The following MALT1 variants were observed in gnomAD, a reference collection of about 807,000 sequenced individuals.
MALT1 encodes mucosa-associated lymphoid tissue lymphoma translocation protein 1.
In MALT1, 36 loss-of-function variants were observed where a neutral mutation model predicts 85.5. The ratio of observed to expected loss-of-function variants is 0.42; its 90% CI spans 0.32 to 0.56. MALT1 has a LOEUF of 0.56. Among genes scored for constraint, MALT1 ranks in the 20% least tolerant of loss-of-function variants. MALT1 has a pLI of 0.10. For missense variants in MALT1, 716 were observed against 981.6 expected (o/e 0.73, Z 3.62); for synonymous variants, 359 against 361.3 (o/e 0.99, Z 0.07).
In MALT1 at chr18:58,671,753, T is replaced by C; in HGVS notation, c.110T>C (p.Leu37Pro). ...GATLNRLREP[L>P]LRRLSELLDQ... ...ACCCTCAACCGCCTGCGGGAGCCGC[T>C]GCTGCGGAGGCTCAGCGAGCTCCTG... The change falls in exon 1 of 17, where the codon CTG (leucine) becomes CCG (proline). Residue 37 changes from leucine (L) to proline (P), a missense_variant. Around this residue, in one of 4 missense-constraint regions of MALT1, gnomAD observed 80 missense variants for 65.1 expected, o/e 1.23. Coordinates refer to ENST00000649217, the MANE Select transcript of MALT1 (RefSeq NM_006785.4). 7.8e-7 allele frequency: 1 copy of C among 1,274,186 alleles called. No homozygotes were observed. The highest frequency in any genetic ancestry group is 9.9e-7 in the Non-Finnish European group (1 of 1,010,682). 78.9% of individuals were successfully genotyped at this position (1,274,186 alleles called of 1,614,324 possible).
chr18:58,749,068 A>G lies in MALT1; in HGVS notation c.*1226A>G. The stretch of plus-strand genomic sequence containing the variant: ...ATAAAAAGGATTCTATATCATGACC[A>G]AGTGGAATTTATCCCAGGAATTCAA... On this transcript the variant is annotated 3_prime_UTR_variant, in exon 17 of 17. Coordinates refer to ENST00000649217, the MANE Select transcript of MALT1 (RefSeq NM_006785.4). 1 of 215,700 alleles carries G rather than the reference A, an allele frequency of 4.6e-6. No individual in the cohort carries two copies. Among genetic ancestry groups the G allele is most frequent in the Non-Finnish European group, 9.3e-6 (1 of 106,998 alleles). The allele number at this position is 215,700 out of a possible 1,614,324, so 13.4% of individuals were successfully genotyped here. A position where few individuals can be genotyped will look rare whatever the true frequency, so the allele number is the denominator to read the frequency against.
chr18:58,707,436 T>C (rs2054768493), intron 4 of MALT1, among the ~76,000 whole-genome samples: 1 of 152,102 alleles, frequency 6.6e-6, no homozygotes, highest in African/African-American at 2.4e-5. Context: ...AAATTTTTTT[T>C]TAATTATACT....
rs147941912 is a variant in MALT1, at chr18:58,700,714, TCATC to T, written c.649+127_649+130del. 857 of 733,602 alleles carry T rather than the reference TCATC, an allele frequency of 1.2e-3. 8 individuals are homozygous for T. In the African/African-American group the frequency reaches 0.014, roughly 12 times the overall value. 45.4% of individuals were successfully genotyped at this position (733,602 alleles called of 1,614,324 possible). On this transcript the variant is annotated intron_variant, in intron 4 of 16. Coordinates refer to ENST00000649217, the MANE Select transcript of MALT1 (RefSeq NM_006785.4). ...CATAGCAAAATTTCACATAGGTACT[TCATC>T]CATTATAATGTCAACCATTGTTAAG...
intron 10 of MALT1, 93 bp downstream of exon 10, chr18:58,723,344 G>A: frequency 1.1e-6 from 1 of 871,524 alleles, no homozygotes; most frequent in Non-Finnish European, 1.7e-6. Flanking sequence ...TAAAGATAAG[G>A]TAAACATGTT....
At chr18:58,742,228 T>C (rs1026070424) in intron 14 of MALT1, among the ~76,000 whole-genome samples, 1 of 152,222 alleles carries the variant, frequency 6.6e-6, no homozygotes, top group Non-Finnish European at 1.5e-5. Flanking sequence ...ATTGTCACTA[T>C]TGGTAAAATT....
Position 58,747,483 on chromosome 18 carries a change from A to C in MALT1, c.2116A>C (p.Asn706His), listed in dbSNP as rs751472121. 7.4e-6 allele frequency: 12 copies of C among 1,613,830 alleles called. No homozygotes were observed. Among genetic ancestry groups the C allele is most frequent in the African/African-American group, 2.7e-5 (2 of 74,906 alleles). ...TACTGTAGAGGACAAGCAGGAAGTG[A>C]ATGTTGGGAAACCTCTCATTGCTAA... is the stretch of plus-strand genomic sequence containing the variant. ...EDTVEDKQEV[N>H]VGKPLIAKLD... Residue 706 changes from asparagine (N) to histidine (H), a missense_variant, in exon 17 of 17, where the codon AAT becomes CAT. This residue lies in a region of MALT1 where 260 missense variants were observed against 323.7 expected (regional missense o/e 0.80). Coordinates refer to ENST00000649217, the MANE Select transcript of MALT1 (RefSeq NM_006785.4).
Position 58,671,756 on chromosome 18 carries a change from T to G in MALT1, c.113T>G (p.Leu38Arg). The change falls in exon 1 of 17, where the codon CTG (leucine) becomes CGG (arginine). Residue 38 changes from leucine to arginine, a missense_variant. Physicochemically the swap from Leu to Arg is moderately radical, Grantham distance 102. Transcript: ENST00000649217. ...ATLNRLREPLLRRLSELLDQA... is the reference protein window; with the variant it reads ...ATLNRLREPLRRRLSELLDQA... ...CTCAACCGCCTGCGGGAGCCGCTGC[T>G]GCGGAGGCTCAGCGAGCTCCTGGAT... 1 of 1,272,480 alleles carries G rather than the reference T, an allele frequency of 7.9e-7. No homozygotes were observed. The allele number at this position is 1,272,480 out of a possible 1,614,324, so 78.8% of individuals were successfully genotyped here. A position where few individuals can be genotyped will look rare whatever the true frequency, so the allele number is the denominator to read the frequency against.
At chr18:58,722,194 A>G (rs559795576) in intron 9 of MALT1, among the ~76,000 whole-genome samples, 25 of 152,012 alleles carry the variant, frequency 1.6e-4, no homozygotes, top group Non-Finnish European at 4.4e-5. Flanking sequence ...TATCAAAGAA[A>G]GGTACCGTGT....
intron 4 of MALT1, among the ~76,000 whole-genome samples, chr18:58,707,951 C>T (rs1427333958): frequency 6.6e-6 from 1 of 152,164 alleles, no homozygotes. Context: ...TGCAAGAGAT[C>T]TCTCTCCACT....
intron 15 of MALT1, among the ~76,000 whole-genome samples, 161 bp downstream of exon 15, chr18:58,744,656 T>C (rs2055344011): frequency 6.6e-6 from 1 of 152,090 alleles, no homozygotes; most frequent in African/African-American, 2.4e-5. Flanking sequence ...TATTTACTAA[T>C]TGCCAAAATA....
intron 2 of MALT1, among the ~76,000 whole-genome samples, chr18:58,690,024 C>G (rs2054472851): frequency 1.3e-5 from 2 of 152,208 alleles, no homozygotes; most frequent in Admixed American, 6.5e-5. Context: ...AGTACAGGCA[C>G]ACTTTGTTTT....
At chr18:58,714,175 G>C (rs984477383) in intron 8 of MALT1, 66 bp downstream of exon 8, 1 of 760,474 alleles carries the variant, frequency 1.3e-6, no homozygotes, top group Non-Finnish European at 2.2e-6. Flanking sequence ...CAAAGTTACC[G>C]TAGGTACTCT....
chr18:58,675,566 A>G (rs1236712149), intron 1 of MALT1: 1 of 152,234 alleles, frequency 6.6e-6, no homozygotes, highest in Non-Finnish European at 1.5e-5. Flanking sequence ...GAGCCTCAAC[A>G]ATTATTATTG....
At chr18:58,715,233 G>A (rs1015432050) in intron 8 of MALT1, among the ~76,000 whole-genome samples, 2 of 152,168 alleles carry the variant, frequency 1.3e-5, no homozygotes, top group African/African-American at 2.4e-5. Flanking sequence ...ATTATGAAAA[G>A]TTATTTCAGA....
At chr18:58,721,271 C>T (rs1602321053) in intron 9 of MALT1, among the ~76,000 whole-genome samples, 1 of 152,012 alleles carries the variant, frequency 6.6e-6, no homozygotes. Context: ...CCCAGCTACT[C>T]GGGAGGCTGA....
intron 4 of MALT1, among the ~76,000 whole-genome samples, chr18:58,707,546 G>C (rs969316129): frequency 6.6e-6 from 1 of 151,848 alleles, no homozygotes; most frequent in African/African-American, 2.4e-5. Flanking sequence ...ATCTACATTA[G>C]GTATTTCTCC....
intron 1 of MALT1, among the ~76,000 whole-genome samples, chr18:58,679,978 G>A (rs916360888): frequency 5.3e-5 from 8 of 152,026 alleles, no homozygotes; most frequent in African/African-American, 1.7e-4. Flanking sequence ...GAGCCCAGGA[G>A]TTTGAAACCA....
chr18:58,712,351 A>T (rs1232575110), intron 7 of MALT1, among the ~76,000 whole-genome samples: 1 of 152,078 alleles, frequency 6.6e-6, no homozygotes, highest in African/African-American at 2.4e-5. Flanking sequence ...TATTCAAGAG[A>T]CTTGATCAGA....
At chr18:58,702,999 C>T (rs185637294) in intron 4 of MALT1, among the ~76,000 whole-genome samples, 5 of 152,300 alleles carry the variant, frequency 3.3e-5, no homozygotes, top group African/African-American at 1.2e-4. Flanking sequence ...AGTTAAAATG[C>T]TGCTGTCTCA....
Sources: gnomAD v4.1 joint callset for allele counts (sites outside exome capture counted in the v4.1 genomes callset) on GRCh38, gnomAD v4.1.1 for gene constraint, gnomAD v4.1.1 regional missense constraint, MANE v1.5 for transcripts, NCBI Gene and HGNC (gene_info 2026-07-23, HGNC 2026-07-21) for gene names.